Variants in WDPCP observed in about 807,000 individuals in gnomAD.
The protein encoded by WDPCP is WD repeat containing planar cell polarity effector, also known as WD repeat-containing and planar cell polarity effector protein fritz homolog.
A neutral mutation model predicts 93.1 loss-of-function variants in WDPCP; 71 were observed. The ratio of observed to expected loss-of-function variants is 0.76; its 90% confidence interval spans 0.63 to 0.93. The LOEUF (loss-of-function observed/expected upper bound fraction) is 0.93. WDPCP is among the 40% of genes least tolerant of loss of function. The pLI is 0.00. For synonymous variants in WDPCP, 315 were observed against 315.0 expected (o/e 1.00, Z 0.00); for missense variants, 844 against 887.4 (o/e 0.95, Z 0.62).
chr2:63,215,714 T>A (rs1005968979), intron 14 of WDPCP, among the ~76,000 whole-genome samples: 3 of 152,070 alleles, frequency 2.0e-5, no homozygotes, highest in African/African-American at 4.8e-5. Flanking sequence ...ACAAATGGGA[T>A]CTAATTAAAC....
chr2:63,701,642 T>C (rs1249655331), intron 2 of WDPCP, among the ~76,000 whole-genome samples: 1 of 152,164 alleles, frequency 6.6e-6, no homozygotes, highest in African/African-American at 2.4e-5. Context: ...ATGTGTTATA[T>C]ATATACAACA....
upstream of WDPCP, among the ~76,000 whole-genome samples, chr2:63,592,866 G>A (rs1052383550): frequency 2.8e-4 from 42 of 152,162 alleles, no homozygotes; most frequent in Non-Finnish European, 4.7e-4. Context: ...TGTCCTTAAG[G>A]ATCTCGTATT....
chr2:63,723,896 C>T (rs762700233), intron 2 of WDPCP, among the ~76,000 whole-genome samples: 3 of 152,194 alleles, frequency 2.0e-5, no homozygotes, highest in Non-Finnish European at 4.4e-5. Context: ...TGGTATTACA[C>T]AACTCTTGAA....
intron 2 of WDPCP, among the ~76,000 whole-genome samples, chr2:63,780,116 G>C (rs1200433461): frequency 6.6e-6 from 1 of 151,956 alleles, no homozygotes; most frequent in African/African-American, 2.4e-5. Context: ...AGCAATCTAG[G>C]GATGTTGTCT....
chr2:63,450,519 C>T (rs1698167181), intron 6 of WDPCP, among the ~76,000 whole-genome samples: 1 of 152,162 alleles, frequency 6.6e-6, no homozygotes, highest in Non-Finnish European at 1.5e-5. Flanking sequence ...TTAAACAAAC[C>T]ATCTGAAGGT....
chr2:63,347,076 A>G (rs1327281135), intron 12 of WDPCP, among the ~76,000 whole-genome samples: 2 of 152,188 alleles, frequency 1.3e-5, no homozygotes, highest in African/African-American at 4.8e-5. Context: ...CCTAACAACA[A>G]TAGCCACAGT....
chr2:63,639,430 G>A (rs776161085), intron 3 of WDPCP, among the ~76,000 whole-genome samples: 8 of 152,144 alleles, frequency 5.3e-5, no homozygotes, highest in African/African-American at 1.2e-4. Flanking sequence ...ACAGGTGTGC[G>A]CAACCTAACC....
At chr2:63,275,156 A>G (rs905873809) in intron 13 of WDPCP, among the ~76,000 whole-genome samples, 18 of 152,208 alleles carry the variant, frequency 1.2e-4, no homozygotes, top group Admixed American at 6.5e-5. Flanking sequence ...ATGCTTCGAC[A>G]TAGGCAAATC....
intron 2 of WDPCP, among the ~76,000 whole-genome samples, chr2:63,780,240 C>T (rs1015307459): frequency 3.7e-4 from 56 of 152,208 alleles, no homozygotes; most frequent in African/African-American, 1.2e-3. Context: ...GATTGGCAGT[C>T]GATGATCCTT....
rs11344156 is a variant in WDPCP, at chr2:63,120,524, ATTTTTT to A, written c.*1476_*1481del. Among the ~76,000 whole-genome samples the A allele has an allele frequency of 9.2e-6, 1 of 108,858 alleles. No homozygotes were observed. Among genetic ancestry groups the A allele is most frequent in the African/African-American group, 3.5e-5 (1 of 28,942 alleles). 71.4% of individuals were successfully genotyped at this position (108,858 alleles called of 152,430 possible). On this transcript the variant is annotated 3_prime_UTR_variant, in exon 18 of 18. Transcript: ENST00000272321. ...TTGATTATTATTATAGATGTCTATA[ATTTTTT>A]TTTTTTTTTTTTTTGCAACGGAGTC...
rs1331189117 is a variant in WDPCP at position 63,463,688 on chromosome 2, A to G, written c.384+20916T>C. ...AGAGATCCCAGGAATAAATCCTCACATAAATGGTCAAATGATCTTCCACAA... is the reference window on the plus strand; with the variant it reads ...AGAGATCCCAGGAATAAATCCTCACGTAAATGGTCAAATGATCTTCCACAA... On this transcript the variant is annotated intron_variant, in intron 6 of 17. Transcript: ENST00000272321. Among the ~76,000 whole-genome samples, 5 of 152,228 alleles carry G rather than the reference A, an allele frequency of 3.3e-5. No individual in the cohort carries two copies. In the East Asian group the frequency reaches 9.6e-4, roughly 29 times the overall value.
At chr2:63,822,889 T>C (rs533941728) in intron 1 of WDPCP, among the ~76,000 whole-genome samples, 1 of 150,786 alleles carries the variant, frequency 6.6e-6, no homozygotes, top group South Asian at 2.1e-4. Context: ...ATTTGGTATA[T>C]ATATATTCAT....
intron 3 of WDPCP, among the ~76,000 whole-genome samples, chr2:63,627,478 G>A (rs1709822057): frequency 6.6e-6 from 1 of 152,240 alleles, no homozygotes; most frequent in African/African-American, 2.4e-5. Context: ...AGCCCAAAGT[G>A]AGAACATGCA....
At position 63,551,283 on chromosome 2, in the gene WDPCP, G is replaced by A. The variant is rs138965020; in HGVS notation, c.75+36914C>T. 2.6e-3 allele frequency among the ~76,000 whole-genome samples: 394 copies of A among 152,116 alleles called. 2 individuals carry two copies. In the Middle Eastern group the frequency reaches 0.031, roughly 12 times the overall value. Reference sequence around the variant, plus strand: ...ATGACTGTAATATAGTTTGGATTGCGTCCCCTCCAAATCTCATGTTGAAAT... The same window carrying A: ...ATGACTGTAATATAGTTTGGATTGCATCCCCTCCAAATCTCATGTTGAAAT... On this transcript the variant is annotated intron_variant, in intron 1 of 17. Transcript: ENST00000272321.
Position 63,642,337 on chromosome 2 carries a change from G to T in WDPCP, n.488+8322C>A, listed in dbSNP as rs916654276. 63 of 151,838 alleles carry T rather than the reference G, an allele frequency of 4.1e-4. 1 individual carries two copies. The highest frequency in any genetic ancestry group is 1.5e-3 in the African/African-American group (62 of 41,376). 9.4% of individuals were successfully genotyped at this position (151,838 alleles called of 1,614,324 possible). ...TATACATTTTAGAATTGTTGTTTCT[G>T]TTTTTGCGAAGAATGCCATTAGCAT... On this transcript the variant is annotated intron_variant and non_coding_transcript_variant, in intron 3 of 4. Transcript: ENST00000467687.
chr2:63,363,290 C>A (rs1050069451), intron 12 of WDPCP, among the ~76,000 whole-genome samples: 2 of 152,016 alleles, frequency 1.3e-5, no homozygotes, highest in Non-Finnish European at 2.9e-5. Context: ...TTATGTTATA[C>A]GTCCTATTGT....
chr2:63,145,751 G>A (rs1377604759), intron 17 of WDPCP, among the ~76,000 whole-genome samples: 2 of 152,200 alleles, frequency 1.3e-5, no homozygotes, highest in African/African-American at 4.8e-5. Context: ...AAGAATCTCA[G>A]TGGTAGTTTA....
At chr2:63,560,440 C>T (rs565850289) in intron 1 of WDPCP, among the ~76,000 whole-genome samples, 1 of 152,228 alleles carries the variant, frequency 6.6e-6, no homozygotes, top group African/African-American at 2.4e-5. Context: ...AATAAGACCA[C>T]ACATCTACAA....
chr2:63,151,604 T>A (rs933219021), intron 17 of WDPCP, among the ~76,000 whole-genome samples: 3 of 152,212 alleles, frequency 2.0e-5, no homozygotes, highest in African/African-American at 7.2e-5. Context: ...TGGTAAAGTT[T>A]CTTGAAGCTT....
Sources: allele counts gnomAD v4.1 joint callset (sites outside exome capture counted in the v4.1 genomes callset), GRCh38; gene constraint gnomAD v4.1.1; transcripts MANE v1.5; gene names NCBI Gene and HGNC (gene_info 2026-07-23, HGNC 2026-07-21).